PKNOX2: variants seen among roughly 807,000 people sequenced by gnomAD.
PKNOX2 encodes PBX/knotted 1 homeobox 2, also known as homeobox protein PKNOX2.
A neutral mutation model predicts 53.1 loss-of-function variants in PKNOX2; 14 were observed. The ratio of observed to expected loss-of-function variants is 0.26; its 90% CI spans 0.17 to 0.41. The LOEUF is 0.41. PKNOX2 is among the 10% of genes least tolerant of loss of function. PKNOX2 has a pLI of 1.00. For missense variants in PKNOX2, 496 were observed against 602.8 expected, an observed-to-expected ratio of 0.82 and a Z score of 1.85; for synonymous variants, 257 against 242.8, an observed-to-expected ratio of 1.06 and a Z score of -0.54.
intron 6 of PKNOX2, among the ~76,000 whole-genome samples, chr11:125,396,811 G>A (rs1954438331): frequency 6.6e-6 from 1 of 152,180 alleles, no homozygotes; most frequent in Non-Finnish European, 1.5e-5. Flanking sequence ...AACATGGTGA[G>A]CAAATTAGAC....
chr11:125,246,930 C>T (rs1484631635), intron 2 of PKNOX2, among the ~76,000 whole-genome samples: 2 of 152,190 alleles, frequency 1.3e-5, no homozygotes, highest in Non-Finnish European at 2.9e-5. Flanking sequence ...TTAATAAATG[C>T]ATCTCAGCAT....
intron 7 of PKNOX2, among the ~76,000 whole-genome samples, chr11:125,409,642 G>A (rs928069367): frequency 6.6e-6 from 1 of 152,288 alleles, no homozygotes; most frequent in African/African-American, 2.4e-5. Flanking sequence ...GGCCTGTGAT[G>A]GAGGTGTGTG....
intron 2 of PKNOX2, among the ~76,000 whole-genome samples, chr11:125,262,482 C>CG (rs1944937765): frequency 6.6e-6 from 1 of 151,870 alleles, no homozygotes; most frequent in African/African-American, 2.4e-5. Flanking sequence ...CGGTGGGAGG[C>CG]GGGCTGGTGT....
chr11:125,423,029 C>T (rs1186045478), intron 10 of PKNOX2, among the ~76,000 whole-genome samples: 2 of 150,432 alleles, frequency 1.3e-5, no homozygotes, highest in Non-Finnish European at 3.0e-5. Flanking sequence ...TTTACTGATA[C>T]TGATCAGTTT....
chr11:125,190,822 CT>C lies in PKNOX2; in HGVS notation c.-201+26047del, dbSNP rs993376267. Among the ~76,000 whole-genome samples, 29 of 152,242 alleles carry C rather than the reference CT, an allele frequency of 1.9e-4. 3 individuals carry two copies. The highest frequency in any genetic ancestry group is 1.5e-5 in the Non-Finnish European group (1 of 68,038). ...TGACCAGCCCACCCCTCAGCACTCT[CT>C]CCTCCTCTGAACTCTTTGGCCTAGA... is the stretch of plus-strand genomic sequence containing the variant. On this transcript the variant is annotated intron_variant, in intron 1 of 12. Transcript: ENST00000298282.
At position 125,407,458 on chromosome 11, in the gene PKNOX2, A is replaced by G. The variant is rs141829945; in HGVS notation, c.589-2738A>G. Among the ~76,000 whole-genome samples, 404 of 152,330 alleles carry G rather than the reference A, an allele frequency of 2.7e-3. 2 individuals carry two copies. The highest frequency in any genetic ancestry group is 9.2e-3 in the African/African-American group (384 of 41,562). On this transcript the variant is annotated intron_variant, in intron 7 of 12. Coordinates refer to ENST00000298282, the MANE Select transcript of PKNOX2 (RefSeq NM_001382323.2). Reference sequence around the variant, plus strand: ...TTGGGTACTTTTTTGGGGGTGAAGAAAGTCTAGGACAACCTTTTATGTTTG... The same window carrying G: ...TTGGGTACTTTTTTGGGGGTGAAGAGAGTCTAGGACAACCTTTTATGTTTG...
chr11:125,323,986 T>A (rs1949682902), intron 2 of PKNOX2, among the ~76,000 whole-genome samples: 2 of 152,146 alleles, frequency 1.3e-5, no homozygotes, highest in African/African-American at 4.8e-5. Flanking sequence ...CGGAGCTCAG[T>A]TCCTAGCATC....
intron 1 of PKNOX2, among the ~76,000 whole-genome samples, chr11:125,218,673 G>A (rs947154988): frequency 2.0e-5 from 3 of 152,100 alleles, no homozygotes; most frequent in African/African-American, 7.2e-5. Context: ...TTATATTTTA[G>A]AGCACTGGCC....
chr11:125,269,077 T>C (rs554938441), intron 2 of PKNOX2, among the ~76,000 whole-genome samples: 34 of 152,340 alleles, frequency 2.2e-4, no homozygotes, highest in African/African-American at 7.5e-4. Flanking sequence ...GGAAGAAGGA[T>C]GAAAGAGATG....
chr11:125,329,168 A>G (rs1950006226), intron 2 of PKNOX2, among the ~76,000 whole-genome samples: 1 of 152,268 alleles, frequency 6.6e-6, no homozygotes, highest in Non-Finnish European at 1.5e-5. Context: ...CATTAAAATT[A>G]TAATATATTT....
intron 3 of PKNOX2, among the ~76,000 whole-genome samples, chr11:125,341,379 A>G (rs11220030): frequency 0.18 from 27,192 of 151,736 alleles, 3,475 homozygotes; most frequent in African/African-American, 0.36. Flanking sequence ...AAAAGGAAAG[A>G]AAAAAAGGAG....
intron 4 of PKNOX2, among the ~76,000 whole-genome samples, chr11:125,361,584 T>G (rs1951930115): frequency 6.6e-6 from 1 of 152,214 alleles, no homozygotes; most frequent in Non-Finnish European, 1.5e-5. Flanking sequence ...TATTATACTT[T>G]AAGTTCTAGG....
intron 5 of PKNOX2, among the ~76,000 whole-genome samples, chr11:125,380,018 G>T (rs560830728): frequency 5.9e-5 from 9 of 151,790 alleles, no homozygotes; most frequent in African/African-American, 1.9e-4. Context: ...AGGGTGGGAT[G>T]GGGGACTCAG....
intron 1 of PKNOX2, among the ~76,000 whole-genome samples, chr11:125,206,909 A>C (rs1485923978): frequency 6.6e-6 from 1 of 151,832 alleles, no homozygotes; most frequent in Admixed American, 6.6e-5. Flanking sequence ...AACCAGTTAG[A>C]GACCTCCTGT....
chr11:125,167,152 G>A (rs569544426), intron 1 of PKNOX2, among the ~76,000 whole-genome samples: 133 of 150,764 alleles, frequency 8.8e-4, no homozygotes, highest in Non-Finnish European at 1.6e-3. Context: ...CGACCAGGGA[G>A]GTAGGTTATT....
chr11:125,174,628 G>A (rs1955569880), intron 1 of PKNOX2, among the ~76,000 whole-genome samples: 1 of 152,200 alleles, frequency 6.6e-6, no homozygotes, highest in Admixed American at 6.5e-5. Context: ...CTGTAGGCAG[G>A]TGAGTGGGTG....
At position 125,209,820 on chromosome 11, in the gene PKNOX2, G is replaced by A. The variant is rs545885621; in HGVS notation, c.-200-25225G>A. 7.2e-5 allele frequency among the ~76,000 whole-genome samples: 11 copies of A among 152,158 alleles called. No homozygotes were observed. In the South Asian group the frequency reaches 2.3e-3, roughly 32 times the overall value. ...AACGTCAAAAGCAGGAGGGAGTCAT[G>A]TCCTGTGCCACCCTTATACCCACCC... On this transcript the variant is annotated intron_variant, in intron 1 of 12. Coordinates refer to ENST00000298282, the MANE Select transcript of PKNOX2 (RefSeq NM_001382323.2).
At chr11:125,199,688 A>G (rs945837894) in intron 1 of PKNOX2, among the ~76,000 whole-genome samples, 2 of 152,156 alleles carry the variant, frequency 1.3e-5, no homozygotes, top group African/African-American at 4.8e-5. Flanking sequence ...TACTAAAAAT[A>G]CAAGGAAATT....
chr11:125,196,508 T>C (rs1451222976), intron 1 of PKNOX2, among the ~76,000 whole-genome samples: 1 of 152,114 alleles, frequency 6.6e-6, no homozygotes, highest in East Asian at 1.9e-4. Context: ...CTTCATGCTG[T>C]GTGTTGCTAA....
Sources: gnomAD v4.1 joint callset for allele counts (sites outside exome capture counted in the v4.1 genomes callset) on GRCh38, gnomAD v4.1.1 for gene constraint, MANE v1.5 for transcripts, NCBI Gene and HGNC (gene_info 2026-07-23, HGNC 2026-07-21) for gene names.